The following JAZF1 variants were observed in gnomAD, a reference collection of about 807,000 sequenced individuals.
JAZF1 encodes JAZF zinc finger 1.
JAZF1 carries 8 observed loss-of-function variants against 26.4 expected under a neutral mutation model. The observed-to-expected ratio is 0.30, with a 90% CI of 0.18 to 0.55. JAZF1 has a LOEUF of 0.55. JAZF1 is among the 20% of genes least tolerant of loss of function. The probability of loss-of-function intolerance (pLI) is 0.94; values close to 1 mark genes in which losing one functional copy is unlikely to be tolerated. For synonymous variants in JAZF1, 126 were observed against 122.3 expected, an observed-to-expected ratio of 1.03 and a Z score of -0.20; for missense variants, 199 against 322.0, an observed-to-expected ratio of 0.62 and a Z score of 2.92.
chr7:28,040,652 G>C (rs1325202089), intron 1 of JAZF1, among the ~76,000 whole-genome samples: 1 of 152,168 alleles, frequency 6.6e-6, no homozygotes, highest in African/African-American at 2.4e-5. Flanking sequence ...TCGGGGTGTA[G>C]AAGTGTGTTT....
chr7:28,108,941 C>T (rs556349971), intron 1 of JAZF1, among the ~76,000 whole-genome samples: 30 of 152,228 alleles, frequency 2.0e-4, no homozygotes, highest in Admixed American at 5.2e-4. Flanking sequence ...ATGAAAAAGT[C>T]AGACACAGAA....
chr7:28,062,544 G>A (rs1783817271), intron 1 of JAZF1, among the ~76,000 whole-genome samples: 1 of 135,976 alleles, frequency 7.4e-6, no homozygotes, highest in Non-Finnish European at 1.5e-5. Flanking sequence ...TGCAGGCCTT[G>A]TGCCCACCGT....
intron 2 of JAZF1, among the ~76,000 whole-genome samples, chr7:27,912,037 C>A (rs1784367056): frequency 6.6e-6 from 1 of 152,178 alleles, no homozygotes; most frequent in South Asian, 2.1e-4. Context: ...GCATTTATAT[C>A]TTCCAGCTCA....
intron 2 of JAZF1, among the ~76,000 whole-genome samples, chr7:27,959,618 AG>A (rs1413461275): frequency 1.3e-5 from 2 of 152,178 alleles, no homozygotes; most frequent in African/African-American, 2.4e-5. Context: ...CTGAATTAAC[AG>A]CTGGGCACAG....
At chr7:27,855,885 C>G (rs1394613958) in intron 3 of JAZF1, among the ~76,000 whole-genome samples, 1 of 152,148 alleles carries the variant, frequency 6.6e-6, no homozygotes, top group Admixed American at 6.5e-5. Flanking sequence ...CATCCTGATA[C>G]CAAAAACCAG....
chr7:27,845,867 C>T (rs901371446), intron 3 of JAZF1, among the ~76,000 whole-genome samples: 1 of 152,098 alleles, frequency 6.6e-6, no homozygotes, highest in African/African-American at 2.4e-5. Context: ...GGCCTGCACC[C>T]ATTCACATTC....
intron 2 of JAZF1, among the ~76,000 whole-genome samples, chr7:27,989,056 AACCAAAACAGCATGGTACTGGT>A (rs2128364637): frequency 6.6e-6 from 1 of 152,276 alleles, no homozygotes; most frequent in Non-Finnish European, 1.5e-5. Context: ...AGGCTACAGT[AACCAAAACAGCATGGTACTGGT>A]ACCAAAACAG....
At chr7:27,917,875 G>C (rs212) in intron 2 of JAZF1, among the ~76,000 whole-genome samples, 41,303 of 152,106 alleles carry the variant, frequency 0.27, 5,900 homozygotes, top group East Asian at 0.37. Context: ...AGATGTGGCA[G>C]TCACTGATGC....
intron 3 of JAZF1, among the ~76,000 whole-genome samples, chr7:27,867,981 C>T (rs928210331): frequency 1.3e-5 from 2 of 152,242 alleles, no homozygotes; most frequent in East Asian, 1.9e-4. Context: ...ACTCTGTGAC[C>T]GACTAGCCTG....
At chr7:27,870,742 A>G (rs1377526142) in intron 3 of JAZF1, among the ~76,000 whole-genome samples, 2 of 152,094 alleles carry the variant, frequency 1.3e-5, no homozygotes, top group Non-Finnish European at 2.9e-5. Context: ...GGTCAAATAA[A>G]TGGGAAACCA....
intron 2 of JAZF1, among the ~76,000 whole-genome samples, chr7:27,903,100 C>A (rs1784193434): frequency 6.6e-6 from 1 of 151,396 alleles, no homozygotes; most frequent in African/African-American, 2.4e-5. Context: ...CTGCCATCTA[C>A]ACTAGCATTT....
intron 1 of JAZF1, among the ~76,000 whole-genome samples, chr7:27,994,033 T>C (rs1194903133): frequency 6.6e-6 from 1 of 152,194 alleles, no homozygotes; most frequent in African/African-American, 2.4e-5. Context: ...TCTCAAATTA[T>C]ATAATTTCTA....
In JAZF1 at chr7:27,831,126, A is replaced by G; in HGVS notation, c.*1674T>C. 1 of 223,814 alleles carries G rather than the reference A, an allele frequency of 4.5e-6. No individual in the cohort carries two copies. The highest frequency in any genetic ancestry group is 8.9e-6 in the Non-Finnish European group (1 of 111,886). 13.9% of individuals were successfully genotyped at this position (223,814 alleles called of 1,614,324 possible). On this transcript the variant is annotated 3_prime_UTR_variant, in exon 5 of 5. Transcript: ENST00000283928. ...GGATAACACTGTATATTCAGGACCA[A>G]GACCATACTTCAGATCTGAGGAAAT...
chr7:27,831,237 T>TAACA lies in JAZF1; in HGVS notation c.*1559_*1562dup, dbSNP rs142764054. 4.4e-3 allele frequency: 983 copies of TAACA among 224,962 alleles called. 5 individuals carry two copies. Among genetic ancestry groups the TAACA allele is most frequent in the African/African-American group, 0.015 (675 of 45,026 alleles). The allele number at this position is 224,962 out of a possible 1,614,324, so 13.9% of individuals were successfully genotyped here. A position where few individuals can be genotyped will look rare whatever the true frequency, so the allele number is the denominator to read the frequency against. On this transcript the variant is annotated 3_prime_UTR_variant, in exon 5 of 5. Coordinates refer to ENST00000283928, the MANE Select transcript of JAZF1 (RefSeq NM_175061.4). ...TTATGAATATAGAGGTTTACTCATC[T>TAACA]AACAAACAGAACTGTCATCCTTTCA... is the stretch of plus-strand genomic sequence containing the variant.
intron 2 of JAZF1, among the ~76,000 whole-genome samples, chr7:27,912,593 G>A (rs1161810502): frequency 6.6e-6 from 1 of 152,052 alleles, no homozygotes; most frequent in African/African-American, 2.4e-5. Context: ...TAGTGAGAAA[G>A]GTTATTAGAA....
chr7:28,051,721 C>G (rs1783621218), intron 1 of JAZF1, among the ~76,000 whole-genome samples: 1 of 152,102 alleles, frequency 6.6e-6, no homozygotes, highest in South Asian at 2.1e-4. Context: ...TGCAAACTCC[C>G]TACAAAGGTC....
At chr7:27,925,121 T>C (rs1421606189) in intron 2 of JAZF1, among the ~76,000 whole-genome samples, 2 of 152,238 alleles carry the variant, frequency 1.3e-5, no homozygotes, top group East Asian at 1.9e-4. Flanking sequence ...TGGACTTCTA[T>C]GGAAGATCAC....
intron 4 of JAZF1, among the ~76,000 whole-genome samples, chr7:27,835,971 A>G (rs571900936): frequency 2.6e-5 from 4 of 152,328 alleles, no homozygotes; most frequent in South Asian, 2.1e-4. Flanking sequence ...CTTGATGTCA[A>G]TTGCCTTATT....
chr7:28,063,301 G>A (rs757051615), intron 1 of JAZF1, among the ~76,000 whole-genome samples: 10 of 152,134 alleles, frequency 6.6e-5, no homozygotes, highest in African/African-American at 1.9e-4. Context: ...TAAAAAGTGC[G>A]TTTAAAAATA....
Sources: allele counts gnomAD v4.1 joint callset (sites outside exome capture counted in the v4.1 genomes callset), GRCh38; gene constraint gnomAD v4.1.1; transcripts MANE v1.5; gene names NCBI Gene and HGNC (gene_info 2026-07-23, HGNC 2026-07-21).